Variants in NAA16 observed in about 807,000 individuals in gnomAD.
The protein encoded by NAA16 is NARG1-like protein.
In NAA16, 97 loss-of-function variants were observed where a neutral mutation model predicts 110.3. The observed-to-expected ratio is 0.88, with a 90% CI of 0.75 to 1.04. The LOEUF is 1.04. Among genes scored for constraint, NAA16 ranks in the 50% least tolerant of loss-of-function variants. The pLI, the probability that NAA16 is intolerant of heterozygous loss-of-function variation, is 0.00. For missense variants in NAA16, 1,017 were observed against 1,005.1 expected, an observed-to-expected ratio of 1.01 and a Z score of -0.16; for synonymous variants, 372 against 330.6, an observed-to-expected ratio of 1.13 and a Z score of -1.36.
chr13:41,345,679 C>CT (rs1232416319), intron 9 of NAA16, among the ~76,000 whole-genome samples: 1 of 152,192 alleles, frequency 6.6e-6, no homozygotes, highest in Non-Finnish European at 1.5e-5. Flanking sequence ...ACCTCCTGGG[C>CT]TCAGGTGATC....
At chr13:41,360,838 G>A (rs1012454118) in intron 12 of NAA16, among the ~76,000 whole-genome samples, 2 of 152,174 alleles carry the variant, frequency 1.3e-5, no homozygotes, top group African/African-American at 4.8e-5. Context: ...GATAGTTCTA[G>A]TTGATAAACT....
chr13:41,364,462 G>A lies in NAA16; in HGVS notation c.1539+2303G>A, dbSNP rs79731153. Among the ~76,000 whole-genome samples, 357 of 152,064 alleles carry A rather than the reference G, an allele frequency of 2.3e-3. 2 individuals carry two copies. Among genetic ancestry groups the A allele is most frequent in the African/African-American group, 8.4e-3 (347 of 41,490 alleles). On this transcript the variant is annotated intron_variant, in intron 13 of 19. Transcript: ENST00000379406. The stretch of plus-strand genomic sequence containing the variant: ...TGTAGTCCAACCCAATCTGATGTTT[G>A]AAACTTGACTTTTATTAAAACAAAC...
intron 9 of NAA16, among the ~76,000 whole-genome samples, chr13:41,340,696 G>T: frequency 1.0e-5 from 1 of 95,524 alleles, no homozygotes. Flanking sequence ...TTTTTTCCGA[G>T]ACGGAGTCTC....
At chr13:41,319,793 A>G (rs1191931688) in intron 3 of NAA16, among the ~76,000 whole-genome samples, 1 of 152,014 alleles carries the variant, frequency 6.6e-6, no homozygotes, top group African/African-American at 2.4e-5. Flanking sequence ...CTGGGATTAC[A>G]GGTGTGAGCC....
intron 6 of NAA16, chr13:41,328,054 T>C (rs1014660962): frequency 1.2e-4 from 18 of 152,100 alleles, no homozygotes; most frequent in African/African-American, 4.3e-4. Context: ...AGCTGAGGTA[T>C]GTTCTTTTTT....
At position 41,318,897 on chromosome 13, in the gene NAA16, C is replaced by G. The variant is rs2041875763; in HGVS notation, c.231C>G (p.Val77=). 1 of 1,585,810 alleles carries G rather than the reference C, an allele frequency of 6.3e-7. No individual in the cohort carries two copies. The highest frequency in any genetic ancestry group is 8.6e-7 in the Non-Finnish European group (1 of 1,164,372). The stretch of plus-strand genomic sequence containing the variant: ...TTCGTAAAGGACTTCGTAATGATGT[C>G]AAGAGTCATGTCTGTATCCTTTTGC... ...EFVRKGLRND[V]KSHVCWHVYG... Residue 77 remains valine (V), a synonymous_variant, in exon 3 of 20, where the codon GTC becomes GTG. Transcript: ENST00000379406.
intron 10 of NAA16, among the ~76,000 whole-genome samples, chr13:41,355,916 TCAAGG>T (rs1212790484): frequency 2.0e-5 from 3 of 152,248 alleles, no homozygotes; most frequent in East Asian, 3.8e-4. Flanking sequence ...CATATATAAA[TCAAGG>T]CAAGTTACTT....
chr13:41,321,843 C>T (rs7981375), intron 4 of NAA16, among the ~76,000 whole-genome samples: 11,243 of 152,114 alleles, frequency 0.074, 1,372 homozygotes, highest in African/African-American at 0.26. Context: ...ATACTTCTTA[C>T]TTTTGCCCTC....
At chr13:41,344,492 T>G (rs965060003) in intron 9 of NAA16, among the ~76,000 whole-genome samples, 1 of 152,216 alleles carries the variant, frequency 6.6e-6, no homozygotes, top group African/African-American at 2.4e-5. Flanking sequence ...GGTTTTTGAT[T>G]GTCGCTGCAG....
intron 15 of NAA16, among the ~76,000 whole-genome samples, chr13:41,371,834 T>G (rs2043325285): frequency 1.3e-5 from 2 of 152,178 alleles, no homozygotes; most frequent in African/African-American, 4.8e-5. Context: ...ATTTTAAATT[T>G]TATTACCATC....
In NAA16 at chr13:41,372,714, G is replaced by A. The variant is rs2043346761; in HGVS notation, c.2057-18G>A. ...TGTAAGTATTAATGCTATTACTTTTGTATTTTTTCTGACACAGGAAAGTTT... is the reference window on the plus strand; with the variant it reads ...TGTAAGTATTAATGCTATTACTTTTATATTTTTTCTGACACAGGAAAGTTT... On this transcript the variant is annotated intron_variant, in intron 16 of 19. Coordinates refer to ENST00000379406, the MANE Select transcript of NAA16 (RefSeq NM_024561.5). The A allele has an allele frequency of 6.3e-7, 1 of 1,580,072 alleles. No individual in the cohort carries two copies. Among genetic ancestry groups the A allele is most frequent in the Admixed American group, 1.8e-5 (1 of 56,114 alleles).
chr13:41,369,562 G>A (rs375803952), intron 15 of NAA16, among the ~76,000 whole-genome samples: 16 of 152,324 alleles, frequency 1.1e-4, no homozygotes, highest in East Asian at 7.7e-4. Flanking sequence ...CATGGCAAGG[G>A]AGAATTAAGG....
intron 9 of NAA16, among the ~76,000 whole-genome samples, chr13:41,339,297 G>A (rs1043057376): frequency 5.9e-5 from 9 of 151,826 alleles, no homozygotes; most frequent in Admixed American, 5.9e-4. Flanking sequence ...GTGCCACCAC[G>A]CCCGGCTAAT....
At chr13:41,338,192 A>G (rs1286793250) in intron 9 of NAA16, among the ~76,000 whole-genome samples, 2 of 152,218 alleles carry the variant, frequency 1.3e-5, no homozygotes, top group African/African-American at 4.8e-5. Flanking sequence ...CCAGAAATAA[A>G]AAGAAATCTT....
chr13:41,321,520 A>G (rs1471642423), intron 4 of NAA16, among the ~76,000 whole-genome samples: 1 of 152,184 alleles, frequency 6.6e-6, no homozygotes, highest in South Asian at 2.1e-4. Context: ...GCTGTACTAG[A>G]TTATTTGTGG....
intron 9 of NAA16, among the ~76,000 whole-genome samples, chr13:41,343,709 T>G (rs1419060149): frequency 6.6e-6 from 1 of 152,190 alleles, no homozygotes; most frequent in Non-Finnish European, 1.5e-5. Context: ...TTATTTTATT[T>G]TTTTGTATTT....
intron 10 of NAA16, among the ~76,000 whole-genome samples, chr13:41,358,060 C>T (rs1339479612): frequency 6.6e-6 from 1 of 152,152 alleles, no homozygotes; most frequent in African/African-American, 2.4e-5. Context: ...TTTTCCCCAG[C>T]ATTGTTTCTT....
intron 9 of NAA16, among the ~76,000 whole-genome samples, chr13:41,345,238 A>G (rs1377909724): frequency 6.6e-6 from 1 of 152,172 alleles, no homozygotes; most frequent in African/African-American, 2.4e-5. Context: ...TGGTAACTCT[A>G]TGTTTAAACT....
At chr13:41,346,137 A>G (rs180841534) in intron 9 of NAA16, among the ~76,000 whole-genome samples, 4 of 152,334 alleles carry the variant, frequency 2.6e-5, no homozygotes, top group African/African-American at 9.6e-5. Context: ...GCATTGAGGC[A>G]TTCACTCTGA....
Sources: allele counts gnomAD v4.1 joint callset (sites outside exome capture counted in the v4.1 genomes callset), GRCh38; gene constraint gnomAD v4.1.1; transcripts MANE v1.5; gene names NCBI Gene and HGNC (gene_info 2026-07-23, HGNC 2026-07-21).